Variants in PKHD1 observed in about 807,000 individuals in gnomAD.
The protein encoded by PKHD1 is fibrocystin.
Under a neutral mutation model 412.0 loss-of-function variants are expected in PKHD1, and 291 were observed. That is an observed-to-expected ratio of 0.71 (90% CI 0.64 to 0.78). The LOEUF (loss-of-function observed/expected upper bound fraction) is 0.78. Ranked by LOEUF, PKHD1 falls within the 30% of genes least tolerant of loss-of-function variation. The probability of loss-of-function intolerance (pLI) is 0.00; values close to 1 mark genes in which losing one functional copy is unlikely to be tolerated. For synonymous variants in PKHD1, 1,777 were observed against 1,821.5 expected (o/e 0.98, Z 0.62); for missense variants, 4,825 against 4,950.7 (o/e 0.97, Z 0.76).
chr6:51,654,566 AC>A (rs1479640899), intron 61 of PKHD1, among the ~76,000 whole-genome samples: 1 of 152,046 alleles, frequency 6.6e-6, no homozygotes, highest in Non-Finnish European at 1.5e-5. Context: ...CTGATTTTGG[AC>A]TTAGAACTTT....
At position 52,026,047 on chromosome 6, in the gene PKHD1, G is replaced by T; in HGVS notation, c.3763C>A (p.Pro1255Thr). ...GGAGCGCCCGCATCGGGTATCTGGGGGGCTGGCAGGGTTTCACACCAGATG... is the reference window on the plus strand; with the variant it reads ...GGAGCGCCCGCATCGGGTATCTGGGTGGCTGGCAGGGTTTCACACCAGATG... ...ASIWCETLPA[P>T]QIPDAGAPTV... Residue 1255 changes from proline to threonine, a missense_variant, in exon 32 of 67, where the codon CCC becomes ACC. Pro to Thr is a conservative substitution (Grantham distance 38). Transcript: ENST00000371117. 1 of 1,614,146 alleles carries T rather than the reference G, an allele frequency of 6.2e-7. No homozygotes were observed. The highest frequency in any genetic ancestry group is 2.2e-5 in the East Asian group (1 of 44,880).
At chr6:51,796,357 CTTG>C (rs1562329886) in intron 52 of PKHD1, among the ~76,000 whole-genome samples, 2 of 151,166 alleles carry the variant, frequency 1.3e-5, no homozygotes, top group Admixed American at 1.3e-4. Flanking sequence ...TAATATCCCC[CTTG>C]TTGTTTCTGA....
rs1232544199 is a variant in PKHD1 at position 51,619,276 on chromosome 6, C to T, written c.12030G>A (p.Gln4010=). The part of the protein sequence containing the change: ...KEGQEQLLRY[Q]LAGQNQLLLL... ...GCAGCAGCTGATTTTGGCCTGCCAG[C>T]TGGTATCTGAGCAACTGCTCTTGGC... is the stretch of plus-strand genomic sequence containing the variant. The change falls in exon 67 of 67, where the codon CAG becomes CAA. Residue 4010 remains glutamine (Q), a synonymous_variant. Transcript: ENST00000371117. 4 of 1,614,262 alleles carry T rather than the reference C, an allele frequency of 2.5e-6. No homozygotes were observed. Among genetic ancestry groups the T allele is most frequent in the Non-Finnish European group, 2.5e-6 (3 of 1,180,050 alleles).
intron 46 of PKHD1, among the ~76,000 whole-genome samples, chr6:51,871,654 C>T (rs1313879869): frequency 8.5e-6 from 1 of 118,284 alleles, no homozygotes; most frequent in Non-Finnish European, 2.1e-5. Flanking sequence ...ATCAAAAAGT[C>T]AGTTTTGCTG....
chr6:51,788,397 G>A (rs1450292224), intron 53 of PKHD1, among the ~76,000 whole-genome samples: 1 of 150,078 alleles, frequency 6.7e-6, no homozygotes, highest in African/African-American at 2.5e-5. Context: ...GGATGTGGCT[G>A]ACCTATGTGT....
rs1195552598 is a variant in PKHD1 at position 51,982,806 on chromosome 6, T to TA, written c.5752-22781dup. On this transcript the variant is annotated intron_variant, in intron 35 of 66. Coordinates refer to ENST00000371117, the MANE Select transcript of PKHD1 (RefSeq NM_138694.4). ...GCGAGAAACACCCAAGAATGATCAATAAAAAAAAAAATAATAATAATAAAT... is the reference window on the plus strand; with the variant it reads ...GCGAGAAACACCCAAGAATGATCAATAAAAAAAAAAAATAATAATAATAAAT... Among the ~76,000 whole-genome samples the TA allele has an allele frequency of 5.7e-3, 229 of 40,210 alleles. 1 individual carries two copies. The highest frequency in any genetic ancestry group is 7.9e-3 in the Non-Finnish European group (128 of 16,290). 26.4% of individuals were successfully genotyped at this position (40,210 alleles called of 152,430 possible).
At chr6:51,989,944 GAAGAA>G (rs1562073145) in intron 35 of PKHD1, among the ~76,000 whole-genome samples, 76 of 28,220 alleles carry the variant, frequency 2.7e-3, no homozygotes, top group African/African-American at 4.7e-3. Context: ...AAGAAGGAAG[GAAGAA>G]AGGAAGGAAA....
chr6:51,707,043 G>T (rs1267276503), intron 60 of PKHD1, among the ~76,000 whole-genome samples: 3 of 152,044 alleles, frequency 2.0e-5, no homozygotes, highest in Non-Finnish European at 4.4e-5. Context: ...TCACTTAAAA[G>T]AATTGCTGAA....
rs1430077564 is a variant in PKHD1, at chr6:52,069,317, C to T, written c.778+140G>A. On this transcript the variant is annotated intron_variant, in intron 11 of 66. Transcript: ENST00000371117. The stretch of plus-strand genomic sequence containing the variant: ...TGGATACAAGCAATTTAATCTCAAC[C>T]AAAAACACCAGGCTGTCTATGATTG... 4.0e-6 allele frequency: 3 copies of T among 754,994 alleles called. No homozygotes were observed. The East Asian group carries it at 7.4e-5, about 19-fold the overall frequency. 46.8% of individuals were successfully genotyped at this position (754,994 alleles called of 1,614,324 possible).
chr6:51,903,910 C>A, intron 42 of PKHD1, 76 bp downstream of exon 42: 1 of 915,636 alleles, frequency 1.1e-6, no homozygotes, highest in Non-Finnish European at 1.7e-6. Context: ...TAACATTTTG[C>A]CATCAGGCTT....
chr6:51,811,173 TC>T (rs1764626856), intron 52 of PKHD1, among the ~76,000 whole-genome samples: 1 of 152,184 alleles, frequency 6.6e-6, no homozygotes, highest in African/African-American at 2.4e-5. Context: ...GATTATGTGT[TC>T]CTTGAAGGTA....
chr6:51,991,467 C>A (rs1797031218), intron 35 of PKHD1, among the ~76,000 whole-genome samples: 1 of 152,090 alleles, frequency 6.6e-6, no homozygotes, highest in African/African-American at 2.4e-5. Flanking sequence ...CAAAGGATAA[C>A]CTACATAACA....
At chr6:51,697,179 CAAAT>C (rs61327011) in intron 60 of PKHD1, among the ~76,000 whole-genome samples, 141,741 of 150,734 alleles carry the variant, frequency 0.94, 67,259 homozygotes, top group East Asian at 1. Flanking sequence ...GACTCCGTCT[CAAAT>C]AAATAAATAA....
chr6:52,085,712 A>T (rs1391116328), intron 1 of PKHD1, among the ~76,000 whole-genome samples: 1 of 152,108 alleles, frequency 6.6e-6, no homozygotes, highest in Non-Finnish European at 1.5e-5. Flanking sequence ...CCCAGGAACC[A>T]GTCTTCTATT....
At chr6:51,923,056 C>T (rs1784947245) in intron 37 of PKHD1, among the ~76,000 whole-genome samples, 1 of 152,180 alleles carries the variant, frequency 6.6e-6, no homozygotes, top group East Asian at 1.9e-4. Context: ...GGAGTTGTTC[C>T]TATTCAGCCA....
chr6:51,694,547 C>CGTTTTTTTTTTTTTTTTTT (rs1562116019), intron 60 of PKHD1, among the ~76,000 whole-genome samples: 1 of 55,466 alleles, frequency 1.8e-5, no homozygotes, highest in African/African-American at 6.5e-5. Context: ...CCACAACCAG[C>CGTTTTTTTTTTTTTTTTTT]CTTTTTTTTT....
chr6:51,867,320 A>G (rs1436608726), intron 48 of PKHD1, among the ~76,000 whole-genome samples: 1 of 152,158 alleles, frequency 6.6e-6, no homozygotes. Context: ...TAGTTTGAGT[A>G]GCATAACCAA....
chr6:51,758,154 CAT>C (rs1407262120), intron 55 of PKHD1, among the ~76,000 whole-genome samples: 1 of 152,050 alleles, frequency 6.6e-6, no homozygotes, highest in Non-Finnish European at 1.5e-5. Context: ...ATATTAAAAA[CAT>C]AAATAAACTT....
intron 36 of PKHD1, among the ~76,000 whole-genome samples, chr6:51,938,010 A>G (rs1190745334): frequency 6.6e-6 from 1 of 152,154 alleles, no homozygotes; most frequent in African/African-American, 2.4e-5. Context: ...CAAGCTAACT[A>G]TGGGAGGAAT....
Sources: allele counts gnomAD v4.1 joint callset (sites outside exome capture counted in the v4.1 genomes callset), GRCh38; gene constraint gnomAD v4.1.1; transcripts MANE v1.5; gene names NCBI Gene and HGNC (gene_info 2026-07-23, HGNC 2026-07-21).